TAF1: variants seen among roughly 807,000 people sequenced by gnomAD.
The protein encoded by TAF1 is transcription initiation factor TFIID subunit 1.
A neutral mutation model predicts 138.5 loss-of-function variants in TAF1; 2 were observed. That is an observed-to-expected ratio of 0.01 (90% CI 0.01 to 0.05). The LOEUF is 0.05. TAF1 is among the 10% of genes least tolerant of loss of function. TAF1 has a pLI of 1.00. For synonymous variants in TAF1, 437 were observed against 503.2 expected (o/e 0.87, Z 1.76); for missense variants, 709 against 1,478.0 (o/e 0.48, Z 8.53).
chrX:71,488,545 A>T, intron 13 of TAF1, among the ~76,000 whole-genome samples: 1 of 109,669 alleles, frequency 9.1e-6, no homozygotes, highest in Admixed American at 9.8e-5. Flanking sequence ...GCACTGACCA[A>T]TCCCCAGCTG....
intron 13 of TAF1, among the ~76,000 whole-genome samples, chrX:71,506,079 A>C (rs971819310): frequency 5.5e-5 from 6 of 109,202 alleles, no homozygotes; most frequent in African/African-American, 2.0e-4. Context: ...GTGTGCCTGT[A>C]ATCCCAGCTA....
chrX:71,452,253 C>T, intron 32 of TAF1, among the ~76,000 whole-genome samples: 1 of 110,989 alleles, frequency 9.0e-6, no homozygotes, highest in African/African-American at 3.3e-5. Flanking sequence ...AGGGGCTCCT[C>T]ACTTCTCAGA....
chrX:71,471,736 C>T (rs968381953), intron 13 of TAF1, among the ~76,000 whole-genome samples: 3 of 111,429 alleles, frequency 2.7e-5, no homozygotes, highest in African/African-American at 9.8e-5. Flanking sequence ...CCTGAGCAGC[C>T]GCTCAAGGGC....
chrX:71,405,035 C>T (rs745936796), intron 25 of TAF1, among the ~76,000 whole-genome samples: 9 of 103,037 alleles, frequency 8.7e-5, no homozygotes, highest in African/African-American at 3.2e-4. Context: ...CAGCTCACTG[C>T]AACCTCCGCC....
intron 28 of TAF1, among the ~76,000 whole-genome samples, chrX:71,413,461 A>G (rs1202909443): frequency 8.9e-6 from 1 of 112,022 alleles, no homozygotes; most frequent in African/African-American, 3.2e-5. Context: ...ATTTTTGCAT[A>G]TGGTTAGAAA....
intron 13 of TAF1, among the ~76,000 whole-genome samples, chrX:71,514,074 G>T (rs1268633644): frequency 9.0e-6 from 1 of 111,664 alleles, no homozygotes; most frequent in Non-Finnish European, 1.9e-5. Flanking sequence ...TCTTGCTGCT[G>T]CTCACTCTTT....
chrX:71,504,447 TAGAAA>T (rs1184797880), intron 13 of TAF1, among the ~76,000 whole-genome samples: 1 of 109,611 alleles, frequency 9.1e-6, no homozygotes, highest in African/African-American at 3.3e-5. Flanking sequence ...TTGCCTCTGA[TAGAAA>T]AGAAAACATT....
intron 3 of TAF1, 31 bp downstream of exon 3, chrX:71,368,201 C>T: frequency 2.5e-6 from 3 of 1,182,218 alleles, no homozygotes; most frequent in South Asian, 1.8e-5. Flanking sequence ...CTTGAACATT[C>T]CAGTGCATTA....
At chrX:71,523,180 CAAAAAAAAAA>C (rs754302629) in intron 13 of TAF1, among the ~76,000 whole-genome samples, 3 of 15,379 alleles carry the variant, frequency 2.0e-4, no homozygotes, top group East Asian at 3.1e-3. Context: ...GACTCCCTCT[CAAAAAAAAAA>C]AAAAAAAAAA....
chrX:71,398,836 A>T lies in TAF1; in HGVS notation c.3786+99A>T. The T allele has an allele frequency of 3.8e-6, 4 of 1,066,388 alleles. No individual in the cohort carries two copies. In the South Asian group the frequency reaches 1.0e-4, roughly 28 times the overall value. The allele number at this position is 1,066,388 out of a possible 1,213,427, so 87.9% of individuals were successfully genotyped here. A position where few individuals can be genotyped will look rare whatever the true frequency, so the allele number is the denominator to read the frequency against. ...ATCCTCCTTTACTGGGAATGAGGGA[A>T]GTATATTGTGGAAAGCTGGTTTGAA... is the stretch of plus-strand genomic sequence containing the variant. On this transcript the variant is annotated intron_variant, in intron 24 of 37. Coordinates refer to ENST00000423759, the MANE Select transcript of TAF1 (RefSeq NM_004606.5).
Position 71,382,846 on chromosome X carries a change from C to A in TAF1, c.1751C>A (p.Thr584Asn). The A allele has an allele frequency of 8.3e-7, 1 of 1,206,291 alleles. No homozygotes were observed. The highest frequency in any genetic ancestry group is 1.8e-5 in the South Asian group (1 of 56,086). ...YYPKQQGLRG[T>N]FGGNIIQHSI... ...CCCAAGCAACAGGGTCTTCGAGGCA[C>A]CTTTGGAGGGAATATTATCCAGGTA... Residue 584 changes from threonine (T) to asparagine (N), a missense_variant, in exon 11 of 38, where the codon ACC (threonine) becomes AAC (asparagine). By Grantham distance (65) the Thr-to-Asn change is moderately conservative. This residue lies in a region of TAF1 where 201 missense variants were observed against 421.3 expected (regional missense o/e 0.48). Transcript: ENST00000423759.
intron 24 of TAF1, 134 bp downstream of exon 24, chrX:71,398,871 C>T: frequency 1.1e-6 from 1 of 927,735 alleles, no homozygotes; most frequent in Non-Finnish European, 1.4e-6. Flanking sequence ...ATTGATGTGA[C>T]TACTTGGGGG....
chrX:71,377,619 G>A lies in TAF1; in HGVS notation c.731G>A (p.Arg244His), dbSNP rs765568995. Residue 244 changes from arginine to histidine, a missense_variant, in exon 6 of 38, where the codon CGT (arginine) becomes CAT (histidine). This residue lies in a region of TAF1 where 16 missense variants were observed against 42.1 expected (regional missense o/e 0.38). Transcript: ENST00000423759. ...GTGTTCTAGGTGTTACGTTTTCTAC[G>A]TCTTTTTGGACCAGGGAAGAATGTC... The part of the protein sequence containing the change: ...FRPGKVLRFL[R>H]LFGPGKNVPS... The A allele has an allele frequency of 8.3e-7, 1 of 1,209,188 alleles. No homozygotes were observed. The highest frequency in any genetic ancestry group is 1.1e-6 in the Non-Finnish European group (1 of 895,161).
Position 71,463,863 on chromosome X carries a change from C to A in TAF1, c.5439C>A (p.Thr1813=). The A allele has an allele frequency of 8.3e-7, 1 of 1,210,907 alleles. No homozygotes were observed. The highest frequency in any genetic ancestry group is 1.1e-6 in the Non-Finnish European group (1 of 895,341). ...SYEEPDPKSN[T]QDTSFSSIGG... ...AGGAGCCTGATCCCAAGTCGAACAC[C>A]CAAGACACAAGCTTCAGCAGCATCG... Residue 1813 remains threonine, a synonymous_variant, in exon 38 of 38, where the codon ACC becomes ACA. Transcript: ENST00000423759.
intron 32 of TAF1, among the ~76,000 whole-genome samples, chrX:71,424,790 A>G (rs907043162): frequency 9.0e-6 from 1 of 110,813 alleles, no homozygotes; most frequent in Non-Finnish European, 1.9e-5. Flanking sequence ...ATGCCCAGCT[A>G]ATTTTTGTAT....
rs776406754 is a variant in TAF1, at chrX:71,378,375, A to G, written c.1074A>G (p.Glu358=). Residue 358 remains glutamate, a synonymous_variant, in exon 7 of 38, where the codon GAA becomes GAG. Coordinates refer to ENST00000423759, the MANE Select transcript of TAF1 (RefSeq NM_004606.5). ...GGTATGATATGCTGGGTGTCCCTGAAGATGGCAGTGGGTTTGACTATGGCT... is the reference window on the plus strand; with the variant it reads ...GGTATGATATGCTGGGTGTCCCTGAGGATGGCAGTGGGTTTGACTATGGCT... The part of the protein sequence containing the change: ...RLWYDMLGVP[E]DGSGFDYGFK... 1 of 1,210,715 alleles carries G rather than the reference A, an allele frequency of 8.3e-7. No homozygotes were observed. The highest frequency in any genetic ancestry group is 1.7e-5 in the African/African-American group (1 of 57,405).
chrX:71,400,482 TAAAA>T (rs1329276372), intron 24 of TAF1, among the ~76,000 whole-genome samples: 1 of 112,053 alleles, frequency 8.9e-6, no homozygotes. Flanking sequence ...TTGTACATAT[TAAAA>T]GAAGCAACAA....
At chrX:71,425,860 G>A (rs1301228248) in intron 32 of TAF1, among the ~76,000 whole-genome samples, 1 of 111,285 alleles carries the variant, frequency 9.0e-6, no homozygotes, top group Non-Finnish European at 1.9e-5. Context: ...AATTAGATAT[G>A]GTCTCTGCTC....
intron 13 of TAF1, chrX:71,484,994 GT>G (rs2039145862): frequency 8.9e-6 from 1 of 111,883 alleles, no homozygotes; most frequent in African/African-American, 3.3e-5. Context: ...AGTCCACAAG[GT>G]ACTTTATACC....
Sources: allele counts gnomAD v4.1 joint callset (sites outside exome capture counted in the v4.1 genomes callset), GRCh38; gene constraint gnomAD v4.1.1; regional missense constraint gnomAD v4.1.1; transcripts MANE v1.5; gene names NCBI Gene and HGNC (gene_info 2026-07-23, HGNC 2026-07-21).